STK32B: variants seen among roughly 807,000 people sequenced by gnomAD.
STK32B encodes serine/threonine-protein kinase 32B.
In STK32B, 43 loss-of-function variants were observed where a neutral mutation model predicts 52.6. The ratio of observed to expected loss-of-function variants is 0.82; its 90% CI spans 0.64 to 1.05. The LOEUF (loss-of-function observed/expected upper bound fraction) is 1.05. STK32B is among the 50% of genes least tolerant of loss of function. The probability of loss-of-function intolerance (pLI) is 0.00; values close to 1 mark genes in which losing one functional copy is unlikely to be tolerated. For synonymous variants in STK32B, 238 were observed against 204.3 expected (o/e 1.17, Z -1.41); for missense variants, 621 against 534.6 (o/e 1.16, Z -1.59).
chr4:5,242,893 T>G (rs908651143), intron 3 of STK32B, among the ~76,000 whole-genome samples: 1 of 152,212 alleles, frequency 6.6e-6, no homozygotes, highest in Admixed American at 6.5e-5. Context: ...GTTGTAGGTA[T>G]GCGGCATTAT....
At chr4:5,291,667 A>G (rs927705629) in intron 3 of STK32B, among the ~76,000 whole-genome samples, 8 of 152,096 alleles carry the variant, frequency 5.3e-5, no homozygotes, top group Non-Finnish European at 1.2e-4. Flanking sequence ...TTCCCTGACT[A>G]TAGCTTCCAA....
At chr4:5,152,842 G>A (rs1391237271) in intron 2 of STK32B, among the ~76,000 whole-genome samples, 1 of 152,192 alleles carries the variant, frequency 6.6e-6, no homozygotes, top group Non-Finnish European at 1.5e-5. Context: ...ATTACCCACT[G>A]TCCTTACCAG....
chr4:5,295,842 G>A (rs752889842), intron 3 of STK32B, among the ~76,000 whole-genome samples: 2 of 152,014 alleles, frequency 1.3e-5, no homozygotes, highest in Non-Finnish European at 2.9e-5. Context: ...TGGTTCTCTA[G>A]TTCTTCTAAT....
At chr4:5,243,127 A>T (rs915516354) in intron 3 of STK32B, among the ~76,000 whole-genome samples, 5 of 152,180 alleles carry the variant, frequency 3.3e-5, no homozygotes, top group African/African-American at 1.2e-4. Context: ...AGTCGTTGGT[A>T]GCTTGATGGG....
At position 5,456,868 on chromosome 4, in the gene STK32B, AGC is replaced by A; in HGVS notation, c.730_731del (p.Arg244CysfsTer24). 2 of 1,599,316 alleles carry A rather than the reference AGC, an allele frequency of 1.3e-6. No individual in the cohort carries two copies. Among genetic ancestry groups the A allele is most frequent in the Non-Finnish European group, 1.7e-6 (2 of 1,171,920 alleles). ...GAAATCCTCAACATGTTCAAGGTGG[AGC>A]GTGTCCACTACTCCTCCACGTGGTG... is the stretch of plus-strand genomic sequence containing the variant. On this transcript the variant is annotated frameshift_variant, in exon 8 of 12. Transcript: ENST00000282908. LOFTEE classifies it high-confidence loss of function.
intron 3 of STK32B, among the ~76,000 whole-genome samples, chr4:5,317,021 A>ATG (rs1730978967): frequency 2.4e-5 from 1 of 41,290 alleles, no homozygotes; most frequent in Non-Finnish European, 3.4e-5. Context: ...TATAATATAT[A>ATG]ATATATATGA....
At chr4:5,231,507 G>T (rs531091081) in intron 3 of STK32B, among the ~76,000 whole-genome samples, 32 of 152,190 alleles carry the variant, frequency 2.1e-4, no homozygotes, top group African/African-American at 6.8e-4. Context: ...AGCTACTTGG[G>T]AGGCTGAGGC....
intron 5 of STK32B, among the ~76,000 whole-genome samples, chr4:5,407,969 T>G (rs1366399302): frequency 6.6e-6 from 1 of 152,118 alleles, no homozygotes; most frequent in African/African-American, 2.4e-5. Context: ...TCCCTCACCC[T>G]TTCCACCATG....
intron 3 of STK32B, among the ~76,000 whole-genome samples, chr4:5,289,499 A>G (rs1015078000): frequency 6.6e-6 from 1 of 152,018 alleles, no homozygotes; most frequent in African/African-American, 2.4e-5. Context: ...ATAAATATAT[A>G]AATATATAAA....
intron 9 of STK32B, 147 bp from the exon 10 acceptor site, chr4:5,466,556 A>T: frequency 8.8e-7 from 1 of 1,135,472 alleles, no homozygotes; most frequent in Non-Finnish European, 1.2e-6. Flanking sequence ...TTATCATCAG[A>T]AAACAGAAAC....
chr4:5,143,045 A>G (rs1716600256), intron 2 of STK32B, among the ~76,000 whole-genome samples: 1 of 152,154 alleles, frequency 6.6e-6, no homozygotes, highest in Admixed American at 6.5e-5. Context: ...TCAGATTTGC[A>G]AGCCCCTACA....
chr4:5,140,379 T>A (rs1716346917), intron 2 of STK32B: 7 of 1,097,872 alleles, frequency 6.4e-6, no homozygotes, highest in Non-Finnish European at 8.0e-6. Context: ...ATGGCAGGAG[T>A]TTTTAGAAAA....
In STK32B at chr4:5,129,691, C is replaced by T. The variant is rs184427917; in HGVS notation, c.53-10214C>T. ...TGTGCCTCAACCTTTAGTACCTTAC[C>T]GCATTAATCACCTTAACAACCCTAA... On this transcript the variant is annotated intron_variant, in intron 1 of 11. Transcript: ENST00000282908. Among the ~76,000 whole-genome samples the T allele has an allele frequency of 1.4e-4, 22 of 152,168 alleles. No individual in the cohort carries two copies. The East Asian group carries it at 2.5e-3, about 17-fold the overall frequency.
chr4:5,123,945 G>C (rs1715212006), intron 1 of STK32B, among the ~76,000 whole-genome samples: 1 of 152,018 alleles, frequency 6.6e-6, no homozygotes, highest in Non-Finnish European at 1.5e-5. Flanking sequence ...TAGTATGTGT[G>C]GGGCTCTGAT....
chr4:5,100,710 C>T (rs1283334765), intron 1 of STK32B, among the ~76,000 whole-genome samples: 1 of 39,348 alleles, frequency 2.5e-5, no homozygotes, highest in South Asian at 1.2e-3. Flanking sequence ...TCCTTCCTTT[C>T]TTCCTTCCCT....
At chr4:5,059,897 A>G (rs1742152967) in intron 1 of STK32B, among the ~76,000 whole-genome samples, 1 of 152,210 alleles carries the variant, frequency 6.6e-6, no homozygotes, top group Non-Finnish European at 1.5e-5. Flanking sequence ...TTTTGTATCA[A>G]TGTTATACTG....
chr4:5,413,797 A>C (rs1460589516), intron 5 of STK32B, among the ~76,000 whole-genome samples: 1 of 152,232 alleles, frequency 6.6e-6, no homozygotes, highest in African/African-American at 2.4e-5. Flanking sequence ...CCTCCTCTGC[A>C]GCGAGGTAAC....
At chr4:5,287,791 T>C (rs1052878301) in intron 3 of STK32B, among the ~76,000 whole-genome samples, 1 of 152,150 alleles carries the variant, frequency 6.6e-6, no homozygotes, top group Admixed American at 6.5e-5. Flanking sequence ...TGCCATAAAA[T>C]TCATCATTTT....
intron 11 of STK32B, among the ~76,000 whole-genome samples, chr4:5,487,631 C>G (rs1560455908): frequency 6.6e-6 from 1 of 152,140 alleles, no homozygotes; most frequent in East Asian, 1.9e-4. Context: ...GACCAAAAAG[C>G]TGTGCTAGGG....
Sources: gnomAD v4.1 joint callset for allele counts (sites outside exome capture counted in the v4.1 genomes callset) on GRCh38, gnomAD v4.1.1 for gene constraint, MANE v1.5 for transcripts, NCBI Gene and HGNC (gene_info 2026-07-23, HGNC 2026-07-21) for gene names.